The following PNCK variants were observed in gnomAD, a reference collection of about 807,000 sequenced individuals.
PNCK encodes pregnancy up-regulated nonubiquitous CaM kinase, also known as calcium/calmodulin-dependent protein kinase type 1B.
A neutral mutation model predicts 28.3 loss-of-function variants in PNCK; 21 were observed. The ratio of observed to expected loss-of-function variants is 0.74; its 90% confidence interval spans 0.53 to 1.07. The LOEUF is 1.07. PNCK is among the 50% of genes least tolerant of loss of function. PNCK has a pLI of 0.00. For synonymous variants in PNCK, 136 were observed against 125.2 expected (o/e 1.09, Z -0.58); for missense variants, 250 against 298.3 (o/e 0.84, Z 1.19).
In PNCK at chrX:153,672,702, C is replaced by T; in HGVS notation, c.69-5G>A. 3.3e-6 allele frequency: 4 copies of T among 1,196,003 alleles called. No individual in the cohort carries two copies. Among genetic ancestry groups the T allele is most frequent in the African/African-American group, 1.7e-5 (1 of 57,511 alleles). On this transcript the variant is annotated splice_polypyrimidine_tract_variant and splice_region_variant and intron_variant, in intron 2 of 11. Coordinates refer to ENST00000340888, the MANE Select transcript of PNCK (RefSeq NM_001366977.1). ...ACCACCTCGGAGAAGGCACCCCTGC[C>T]GCAGACGGGGCGGTGGGAGGTGGGA...
intron 2 of PNCK, 61 bp from the exon 3 acceptor site, chrX:153,672,758 G>A: frequency 8.8e-7 from 1 of 1,137,299 alleles, no homozygotes; most frequent in South Asian, 1.9e-5. Flanking sequence ...AGGCAGGAGG[G>A]AGAGAGAGTG....
upstream of PNCK, chrX:153,673,986 T>C: frequency 8.6e-7 from 1 of 1,161,076 alleles, no homozygotes; most frequent in Non-Finnish European, 1.1e-6. Flanking sequence ...CCCAGCCCAC[T>C]GCTCGCTCGC....
upstream of PNCK, chrX:153,673,974 C>T (rs1557041069): frequency 1.8e-6 from 2 of 1,118,630 alleles, no homozygotes; most frequent in East Asian, 7.1e-5. Context: ...CGGCCGCCAC[C>T]GCCCAGCCCA....
chrX:153,677,385 G>A (rs1375027629), upstream of PNCK, among the ~76,000 whole-genome samples: 3 of 110,037 alleles, frequency 2.7e-5, no homozygotes, highest in Non-Finnish European at 5.7e-5. Context: ...AGAAGCAGCC[G>A]TTTTCTCTAA....
intron 1 of PNCK, among the ~76,000 whole-genome samples, chrX:153,685,378 G>A (rs782817685): frequency 1.8e-5 from 2 of 111,079 alleles, no homozygotes; most frequent in South Asian, 3.8e-4. Context: ...CTGGCCGCCC[G>A]GGTCAGAGCC....
At position 153,672,561 on chromosome X, in the gene PNCK, C is replaced by A. The variant is rs375477631; in HGVS notation, c.200+5G>T. The A allele has an allele frequency of 5.0e-6, 6 of 1,203,066 alleles. No individual in the cohort carries two copies. The African/African-American group carries it at 8.7e-5, about 17-fold the overall frequency. ...CCCCGTCCCAGGGCCCCGCGAGGTG[C>A]GCACCTACGGAGCACTGCGATCTCG... is the stretch of plus-strand genomic sequence containing the variant. On this transcript the variant is annotated splice_donor_5th_base_variant and intron_variant, in intron 3 of 11. Transcript: ENST00000340888.
chrX:153,671,415 TCA>T (rs1569538613), intron 6 of PNCK, 55 bp from the exon 7 acceptor site: 2 of 1,209,882 alleles, frequency 1.7e-6, no homozygotes, highest in African/African-American at 3.5e-5. Flanking sequence ...GCCATGCCGC[TCA>T]GTGTCACTGG....
upstream of PNCK, among the ~76,000 whole-genome samples, chrX:153,679,146 G>A (rs1296491481): frequency 2.7e-5 from 3 of 111,484 alleles, no homozygotes; most frequent in Non-Finnish European, 5.6e-5. Flanking sequence ...AATATATGTG[G>A]GGTGGTTTTT....
chrX:153,683,330 C>T (rs1344714645), intron 1 of PNCK, among the ~76,000 whole-genome samples: 16 of 110,595 alleles, frequency 1.4e-4, no homozygotes, highest in African/African-American at 4.9e-4. Flanking sequence ...TTAGTAGAGA[C>T]GGGGCTTCAC....
upstream of PNCK, among the ~76,000 whole-genome samples, chrX:153,676,488 C>T (rs1557041592): frequency 8.9e-6 from 1 of 112,020 alleles, no homozygotes; most frequent in South Asian, 3.7e-4. Flanking sequence ...TTGCTTCCCT[C>T]CTTTGTTTGG....
chrX:153,683,672 G>A (rs1184723177), intron 1 of PNCK, among the ~76,000 whole-genome samples: 1 of 111,910 alleles, frequency 8.9e-6, no homozygotes, highest in Non-Finnish European at 1.9e-5. Context: ...AGGATTACAG[G>A]TGTGAGCCAC....
upstream of PNCK, among the ~76,000 whole-genome samples, chrX:153,675,412 G>A (rs374746812): frequency 6.2e-5 from 7 of 112,497 alleles, no homozygotes; most frequent in Non-Finnish European, 7.5e-5. Flanking sequence ...GCCTGGGAAA[G>A]ACGAGCCAGC....
intron 2 of PNCK, 153 bp downstream of exon 2, chrX:153,672,856 C>T (rs1557040504): frequency 1.1e-6 from 1 of 924,951 alleles, no homozygotes. Flanking sequence ...TGCCATCTCA[C>T]AGACTCACTC....
At chrX:153,670,859 GTC>G (rs782117445) in intron 9 of PNCK, 28 bp from the exon 10 acceptor site, 5 of 1,210,083 alleles carry the variant, frequency 4.1e-6, no homozygotes, top group East Asian at 5.9e-5. Context: ...GTCAGGGGGG[GTC>G]TCTCTGCAAA....
At chrX:153,684,589 C>T (rs980956194) in intron 1 of PNCK, among the ~76,000 whole-genome samples, 1 of 110,044 alleles carries the variant, frequency 9.1e-6, no homozygotes, top group Non-Finnish European at 1.9e-5. Flanking sequence ...CCCCTTTGTT[C>T]CCAGCTTATT....
In PNCK at chrX:153,670,837, G is replaced by A. The variant is rs1557039476; in HGVS notation, c.807-6C>T. On this transcript the variant is annotated splice_polypyrimidine_tract_variant and splice_region_variant and intron_variant, in intron 9 of 11. Coordinates refer to ENST00000340888, the MANE Select transcript of PNCK (RefSeq NM_001366977.1). The stretch of plus-strand genomic sequence containing the variant: ...AGGCTGTGTCCCCAGAGATCCTGGG[G>A]AAAGGCTGAAGGTCAGGGGGGGTCT... The A allele has an allele frequency of 6.6e-6, 8 of 1,210,794 alleles. No homozygotes were observed. Among genetic ancestry groups the A allele is most frequent in the Non-Finnish European group, 7.8e-6 (7 of 894,341 alleles).
At chrX:153,670,672 T>C in intron 10 of PNCK, 72 bp downstream of exon 10, 1 of 1,187,871 alleles carries the variant, frequency 8.4e-7, no homozygotes, top group Non-Finnish European at 1.1e-6. Context: ...CAGTGGTCAC[T>C]GGGCAGCCAC....
Position 153,670,435 on chromosome X carries a change from T to A in PNCK, c.*7+15A>T, listed in dbSNP as rs2091279371. 8.3e-7 allele frequency: 1 copy of A among 1,210,651 alleles called. No individual in the cohort carries two copies. Among genetic ancestry groups the A allele is most frequent in the African/African-American group, 1.7e-5 (1 of 57,841 alleles). ...GGAGCCAGCTCCTGGGCGTGCAGGG[T>A]CCACCCAAACACACCTGGGCATCAC... On this transcript the variant is annotated intron_variant, in intron 11 of 11. Transcript: ENST00000340888.
At position 153,671,611 on chromosome X, in the gene PNCK, C is replaced by G. The variant is rs1165160719; in HGVS notation, c.476G>C (p.Gly159Ala). The G allele has an allele frequency of 8.3e-7, 1 of 1,208,672 alleles. No homozygotes were observed. Among genetic ancestry groups the G allele is most frequent in the African/African-American group, 1.7e-5 (1 of 57,700 alleles). The change falls in exon 6 of 12, where the codon GGA becomes GCA. Residue 159 changes from glycine (G) to alanine (A), a missense_variant. By Grantham distance (60) the Gly-to-Ala change is moderately conservative. Transcript: ENST00000340888. Reference sequence around the variant, plus strand: ...GTTCCCAGCCTGGATTTTGGAGAGTCCAAAGTCAGAGACCATGATCTTCGA... The same window carrying G: ...GTTCCCAGCCTGGATTTTGGAGAGTGCAAAGTCAGAGACCATGATCTTCGA... ...EDSKIMVSDFGLSKIQAGNML... is the reference protein window; with the variant it reads ...EDSKIMVSDFALSKIQAGNML...
Sources: gnomAD v4.1 joint callset for allele counts (sites outside exome capture counted in the v4.1 genomes callset) on GRCh38, gnomAD v4.1.1 for gene constraint, MANE v1.5 for transcripts, NCBI Gene and HGNC (gene_info 2026-07-23, HGNC 2026-07-21) for gene names.